RNF152: variants seen among roughly 807,000 people sequenced by gnomAD.
RNF152 encodes the protein ring finger protein 152, also known as E3 ubiquitin-protein ligase RNF152.
In RNF152, 11 loss-of-function variants were observed where a neutral mutation model predicts 12.7. The observed-to-expected ratio is 0.86, with a 90% confidence interval of 0.54 to 1.43. The LOEUF is 1.43. Ranked by LOEUF, RNF152 falls within the 40% of genes most tolerant of loss-of-function variation. The pLI is 0.00. For missense variants in RNF152, 255 were observed against 274.8 expected (o/e 0.93, Z 0.51); for synonymous variants, 113 against 120.3 (o/e 0.94, Z 0.40).
At position 61,808,690 on chromosome 18, in the gene RNF152, T is replaced by C. The variant is rs1352366703; in HGVS notation, c.*7162A>G. 6 of 152,184 alleles carry C rather than the reference T, an allele frequency of 3.9e-5. No homozygotes were observed. 9.4% of individuals were successfully genotyped at this position (152,184 alleles called of 1,614,324 possible). A position where few individuals can be genotyped will look rare whatever the true frequency, so the allele number is the denominator to read the frequency against. ...ACAAGTGGTGAAATGAAAAAATATA[T>C]GACGGCAACCAGGATATATAAACTG... is the stretch of plus-strand genomic sequence containing the variant. On this transcript the variant is annotated 3_prime_UTR_variant, in exon 2 of 2. Coordinates refer to ENST00000312828, the MANE Select transcript of RNF152 (RefSeq NM_173557.3).
chr18:61,877,637 T>C (rs759458923), intron 1 of RNF152, among the ~76,000 whole-genome samples: 12 of 152,194 alleles, frequency 7.9e-5, no homozygotes, highest in Non-Finnish European at 1.6e-4. Flanking sequence ...ACGTCAAAAT[T>C]ATTAGGGTGG....
At chr18:61,863,367 G>A (rs2144720965) in intron 1 of RNF152, among the ~76,000 whole-genome samples, 1 of 151,384 alleles carries the variant, frequency 6.6e-6, no homozygotes, top group Admixed American at 6.6e-5. Flanking sequence ...CCTGGGAAGT[G>A]GAGGTTGCAG....
intron 1 of RNF152, among the ~76,000 whole-genome samples, chr18:61,844,649 C>G (rs540655742): frequency 6.6e-6 from 1 of 152,206 alleles, no homozygotes; most frequent in Admixed American, 6.5e-5. Context: ...AACAGGCCAA[C>G]AAATTATTCA....
rs895485040 is a variant in RNF152 at position 61,809,709 on chromosome 18, C to T, written c.*6143G>A. ...CCTCAGTACTCTGCCCCAAATATTA[C>T]TGATTGTCCCTAAAAATATCATAGT... On this transcript the variant is annotated 3_prime_UTR_variant, in exon 2 of 2. Coordinates refer to ENST00000312828, the MANE Select transcript of RNF152 (RefSeq NM_173557.3). 1 of 152,172 alleles carries T rather than the reference C, an allele frequency of 6.6e-6. No homozygotes were observed. The highest frequency in any genetic ancestry group is 2.1e-4 in the South Asian group (1 of 4,812). The allele number at this position is 152,172 out of a possible 1,614,324, so 9.4% of individuals were successfully genotyped here. A position where few individuals can be genotyped will look rare whatever the true frequency, so the allele number is the denominator to read the frequency against.
chr18:61,828,854 C>T (rs1321801269), intron 1 of RNF152, among the ~76,000 whole-genome samples: 1 of 152,180 alleles, frequency 6.6e-6, no homozygotes, highest in East Asian at 1.9e-4. Flanking sequence ...GTGGGGAATA[C>T]AGGCAGCCAT....
chr18:61,824,208 G>A (rs1439334976), intron 1 of RNF152, among the ~76,000 whole-genome samples: 1 of 152,194 alleles, frequency 6.6e-6, no homozygotes, highest in East Asian at 1.9e-4. Flanking sequence ...AGGAGATAAG[G>A]ATTCTAGCTC....
intron 1 of RNF152, among the ~76,000 whole-genome samples, chr18:61,840,686 C>T (rs1568273430): frequency 6.6e-6 from 1 of 152,142 alleles, no homozygotes; most frequent in Non-Finnish European, 1.5e-5. Context: ...GGGGGCCTAG[C>T]ACCCAGGGAC....
chr18:61,830,477 C>T (rs1909887631), intron 1 of RNF152, among the ~76,000 whole-genome samples: 1 of 152,178 alleles, frequency 6.6e-6, no homozygotes, highest in African/African-American at 2.4e-5. Context: ...TGGGATTGTA[C>T]ACTATTTGTC....
chr18:61,817,211 A>C (rs1909151205), intron 1 of RNF152, among the ~76,000 whole-genome samples: 1 of 152,242 alleles, frequency 6.6e-6, no homozygotes, highest in Non-Finnish European at 1.5e-5. Context: ...TCATTTGAAG[A>C]GAACAAAACA....
At chr18:61,891,534 A>G (rs1016408513) in intron 1 of RNF152, among the ~76,000 whole-genome samples, 3 of 152,206 alleles carry the variant, frequency 2.0e-5, no homozygotes, top group African/African-American at 7.2e-5. Context: ...CACACCCTGT[A>G]CTATTGCTGA....
At chr18:61,886,788 A>G (rs1301671847) in intron 1 of RNF152, among the ~76,000 whole-genome samples, 1 of 152,256 alleles carries the variant, frequency 6.6e-6, no homozygotes, top group East Asian at 1.9e-4. Flanking sequence ...AGAAAGAAAA[A>G]GACACTTCAA....
intron 1 of RNF152, among the ~76,000 whole-genome samples, chr18:61,853,812 C>G (rs965762865): frequency 6.6e-6 from 1 of 152,204 alleles, no homozygotes; most frequent in Non-Finnish European, 1.5e-5. Context: ...CTTGAAGTCC[C>G]TTTTGCCATG....
At chr18:61,825,095 G>C (rs1909595970) in intron 1 of RNF152, among the ~76,000 whole-genome samples, 1 of 152,212 alleles carries the variant, frequency 6.6e-6, no homozygotes, top group African/African-American at 2.4e-5. Flanking sequence ...CTTACCAGCT[G>C]CTGAACAGCT....
At chr18:61,830,767 A>C (rs867502922) in intron 1 of RNF152, among the ~76,000 whole-genome samples, 44 of 151,796 alleles carry the variant, frequency 2.9e-4, no homozygotes, top group African/African-American at 1.0e-3. Flanking sequence ...AGAGTGAAGG[A>C]GTATAGAAAA....
chr18:61,844,073 GAAAGGAAAGAAA>G (rs1474380972), intron 1 of RNF152, among the ~76,000 whole-genome samples: 3 of 115,374 alleles, frequency 2.6e-5, no homozygotes, highest in Non-Finnish European at 5.4e-5. Flanking sequence ...AAGACAGAAA[GAAAGGAAAGAAA>G]GAAAGAAAGA....
chr18:61,839,186 C>T (rs932933559), intron 1 of RNF152, among the ~76,000 whole-genome samples: 2 of 152,100 alleles, frequency 1.3e-5, no homozygotes, highest in African/African-American at 4.8e-5. Flanking sequence ...TCATTAAAAT[C>T]GGGAAATCTA....
intron 1 of RNF152, among the ~76,000 whole-genome samples, chr18:61,829,271 G>A (rs1599271595): frequency 6.6e-6 from 1 of 152,138 alleles, no homozygotes; most frequent in Non-Finnish European, 1.5e-5. Flanking sequence ...CCTGCCCAGT[G>A]GTGTGCAGTG....
At chr18:61,877,008 T>C (rs944684282) in intron 1 of RNF152, among the ~76,000 whole-genome samples, 1 of 152,182 alleles carries the variant, frequency 6.6e-6, no homozygotes, top group Non-Finnish European at 1.5e-5. Flanking sequence ...CTGACAGGTA[T>C]GGTGAAACTC....
intron 1 of RNF152, among the ~76,000 whole-genome samples, chr18:61,861,940 A>C (rs74346608): frequency 0.042 from 6,433 of 152,266 alleles, 453 homozygotes; most frequent in African/African-American, 0.15. Context: ...TTGGGCATTA[A>C]ATTTCAACAT....
Sources: allele counts gnomAD v4.1 joint callset (sites outside exome capture counted in the v4.1 genomes callset), GRCh38; gene constraint gnomAD v4.1.1; transcripts MANE v1.5; gene names NCBI Gene and HGNC (gene_info 2026-07-23, HGNC 2026-07-21).